The following P2RX4 variants were observed in gnomAD, a reference collection of about 807,000 sequenced individuals.
P2RX4 encodes P2X purinoceptor 4.
P2RX4 carries 37 observed loss-of-function variants against 48.0 expected under a neutral mutation model. The observed-to-expected ratio is 0.77, with a 90% CI of 0.59 to 1.01. The LOEUF is 1.01. Among genes scored for constraint, P2RX4 ranks in the 50% least tolerant of loss-of-function variants. The pLI, the probability that P2RX4 is intolerant of heterozygous loss-of-function variation, is 0.00. For synonymous variants in P2RX4, 200 were observed against 199.7 expected, an observed-to-expected ratio of 1.00 and a Z score of -0.01; for missense variants, 501 against 521.4, an observed-to-expected ratio of 0.96 and a Z score of 0.38.
chr12:121,228,384 AAATATAT>A lies in P2RX4; in HGVS notation c.525-147_525-141del, dbSNP rs1245139844. 907 of 165,676 alleles carry A rather than the reference AAATATAT, an allele frequency of 5.5e-3. 12 individuals are homozygous for A. The highest frequency in any genetic ancestry group is 0.027 in the African/African-American group (842 of 30,624). The allele number at this position is 165,676 out of a possible 1,614,324, so 10.3% of individuals were successfully genotyped here. The stretch of plus-strand genomic sequence containing the variant: ...CTCCATCTCAAAAAAAAAAAAAAAA[AAATATAT>A]ATATATATATATATACACACACACA... On this transcript the variant is annotated intron_variant, in intron 5 of 11. Coordinates refer to ENST00000337233, the MANE Select transcript of P2RX4 (RefSeq NM_002560.3).
rs1593229783 is a variant in P2RX4 at position 121,233,059 on chromosome 12, G to T, written c.1107G>T (p.Glu369Asp). ...TGAAGAAAAGACTCTACTATCGGGA[G>T]AAGAAATATAAATATGTGGAAGATT... Reference protein sequence around the residue: ...YCMKKRLYYREKKYKYVEDYE... With the variant: ...YCMKKRLYYRDKKYKYVEDYE... The change falls in exon 11 of 12, where the codon GAG becomes GAT. Residue 369 changes from glutamate to aspartate, a missense_variant. Coordinates refer to ENST00000337233, the MANE Select transcript of P2RX4 (RefSeq NM_002560.3). The T allele has an allele frequency of 6.2e-7, 1 of 1,613,342 alleles. No individual in the cohort carries two copies. The highest frequency in any genetic ancestry group is 8.5e-7 in the Non-Finnish European group (1 of 1,179,374).
intron 2 of P2RX4, among the ~76,000 whole-genome samples, chr12:121,218,167 A>T (rs1182945): frequency 0.34 from 52,244 of 151,802 alleles, 9,215 homozygotes; most frequent in South Asian, 0.4. Flanking sequence ...GTCCCCAGAG[A>T]GGAGACCGAG....
rs1378135341 is a variant in P2RX4, at chr12:121,229,277, C to T, written c.884+178C>T. 6.6e-6 allele frequency among the ~76,000 whole-genome samples: 1 copy of T among 152,192 alleles called. No homozygotes were observed. On this transcript the variant is annotated intron_variant, in intron 8 of 11. Transcript: ENST00000337233. This position sits in a 1 kb window ranked among gnomAD's most constrained non-coding sequence, Gnocchi z 4.6. ...GGAAAATGCCCTTAGTGGTGTCCTG[C>T]TCCGGGGCCATCCCGGCCCCCGAGA... is the stretch of plus-strand genomic sequence containing the variant.
chr12:121,228,401 TATATACAC>T (rs1402506863), intron 5 of P2RX4, 124 bp from the exon 6 acceptor site: 1 of 254,188 alleles, frequency 3.9e-6, no homozygotes, highest in Admixed American at 5.2e-5. Context: ...TATATATATA[TATATACAC>T]ACACACACAC....
chr12:121,217,226 C>T lies in P2RX4; in HGVS notation c.227C>T (p.Thr76Ile). 6.2e-7 allele frequency: 1 copy of T among 1,614,232 alleles called. No homozygotes were observed. The highest frequency in any genetic ancestry group is 1.3e-5 in the African/African-American group (1 of 75,072). ...TKVKGVAVTNTSKLGFRIWDV... is the reference protein window; with the variant it reads ...TKVKGVAVTNISKLGFRIWDV... ...GTCAAGGGCGTGGCTGTGACCAACACTTCTAAACTTGGATTCCGGATCTGG... is the reference window on the plus strand; with the variant it reads ...GTCAAGGGCGTGGCTGTGACCAACATTTCTAAACTTGGATTCCGGATCTGG... The change falls in exon 2 of 12, where the codon ACT (threonine) becomes ATT (isoleucine). Residue 76 changes from threonine (T) to isoleucine (I), a missense_variant. This residue lies in a region of P2RX4 where 295 missense variants were observed against 275.3 expected (regional missense o/e 1.07). Coordinates refer to ENST00000337233, the MANE Select transcript of P2RX4 (RefSeq NM_002560.3).
Position 121,228,613 on chromosome 12 carries a change from A to G in P2RX4, c.605A>G (p.Lys202Arg). The G allele has an allele frequency of 6.2e-7, 1 of 1,613,646 alleles. No individual in the cohort carries two copies. Among genetic ancestry groups the G allele is most frequent in the East Asian group, 2.2e-5 (1 of 44,868 alleles). ...NIWYPKFNFSKRNILPNITTT... is the reference protein window; with the variant it reads ...NIWYPKFNFSRRNILPNITTT... ...TGGTATCCCAAATTTAATTTCAGCAAGTAAGTGGTGGCCAGGTGTGTGAGT... is the reference window on the plus strand; with the variant it reads ...TGGTATCCCAAATTTAATTTCAGCAGGTAAGTGGTGGCCAGGTGTGTGAGT... Residue 202 changes from lysine (K) to arginine (R), a missense_variant and splice_region_variant, in exon 6 of 12, where the codon AAG becomes AGG. Around this residue, in one of 3 missense-constraint regions of P2RX4, gnomAD observed 295 missense variants for 275.3 expected, o/e 1.07. Coordinates refer to ENST00000337233, the MANE Select transcript of P2RX4 (RefSeq NM_002560.3).
At chr12:121,212,308 TG>T (rs1299842997) in intron 1 of P2RX4, among the ~76,000 whole-genome samples, 2 of 151,986 alleles carry the variant, frequency 1.3e-5, no homozygotes, top group African/African-American at 2.4e-5. Context: ...TTGGACTCAT[TG>T]GCTCACACCT....
At chr12:121,219,595 GGATGGATGGATGGATGGATGGATA>G (rs1156552681) in intron 2 of P2RX4, among the ~76,000 whole-genome samples, 11 of 105,672 alleles carry the variant, frequency 1.0e-4, no homozygotes, top group African/African-American at 3.4e-4. Context: ...ATGGATGGAT[GGATGGATGGATGGATGGATGGATA>G]GATAGATAGA....
rs570518314 is a variant in P2RX4, at chr12:121,228,263, C to G, written c.525-270C>G. Among the ~76,000 whole-genome samples the G allele has an allele frequency of 5.6e-4, 85 of 150,844 alleles. 1 individual carries two copies. The South Asian group carries it at 0.017, about 31-fold the overall frequency. ...AAAAAGTTAACCAGGCATAGTGGCT[C>G]ACACCTGTGTAATCCCAGCTACACG... On this transcript the variant is annotated intron_variant, in intron 5 of 11. Transcript: ENST00000337233.
rs111792935 is a variant in P2RX4, at chr12:121,222,570, G to A, written c.428-377G>A. The A allele has an allele frequency of 4.7e-3, 2,139 of 458,486 alleles. 36 individuals are homozygous for A. The highest frequency in any genetic ancestry group is 0.037 in the African/African-American group (1,869 of 51,034). The allele number at this position is 458,486 out of a possible 1,614,324, so 28.4% of individuals were successfully genotyped here. On this transcript the variant is annotated intron_variant, in intron 4 of 11. Transcript: ENST00000337233. ...TGGGATTACAGGCATGCACCACCAC[G>A]CCCAGCTAATTTTTGTACTTTTGGT...
chr12:121,222,930 C>T lies in P2RX4; in HGVS notation c.428-17C>T. ...CCCTGTGGACATGGGACCCCCCTGC[C>T]ACCCTTGTGCTTGTAGGAGTCTCAA... On this transcript the variant is annotated splice_polypyrimidine_tract_variant and intron_variant, in intron 4 of 11. Transcript: ENST00000337233. 6.3e-7 allele frequency: 1 copy of T among 1,585,358 alleles called. No individual in the cohort carries two copies. The highest frequency in any genetic ancestry group is 8.7e-7 in the Non-Finnish European group (1 of 1,154,274).
chr12:121,232,716 TGA>T lies in P2RX4; in HGVS notation c.1044+43_1044+44del. ...CCCTGCCTTCACCCTCACGGTGAGG[TGA>T]GACCCTGGGCTGGGGTCCTGGTCCT... On this transcript the variant is annotated intron_variant, in intron 10 of 11. Coordinates refer to ENST00000337233, the MANE Select transcript of P2RX4 (RefSeq NM_002560.3). This position sits in a 1 kb window ranked among gnomAD's most constrained non-coding sequence, Gnocchi z 4.3. 1.3e-6 allele frequency: 2 copies of T among 1,533,044 alleles called. No individual in the cohort carries two copies. The highest frequency in any genetic ancestry group is 1.8e-6 in the Non-Finnish European group (2 of 1,106,298). 95.0% of individuals were successfully genotyped at this position (1,533,044 alleles called of 1,614,324 possible).
In P2RX4 at chr12:121,232,249, G is replaced by GC; in HGVS notation, c.885-164dup. The GC allele has an allele frequency of 4.8e-6, 3 of 618,712 alleles. No individual in the cohort carries two copies. The highest frequency in any genetic ancestry group is 8.6e-6 in the Non-Finnish European group (3 of 347,264). 38.3% of individuals were successfully genotyped at this position (618,712 alleles called of 1,614,324 possible). A position where few individuals can be genotyped will look rare whatever the true frequency, so the allele number is the denominator to read the frequency against. On this transcript the variant is annotated intron_variant, in intron 8 of 11. Transcript: ENST00000337233. The surrounding 1 kb of genome is among the most constrained non-coding windows in gnomAD (Gnocchi z 4.3). ...TACCTCGTGGGCCCCGCATCCTCCT[G>GC]CTTGCACAGCCCGCCTCAGCCAGGA...
chr12:121,226,565 C>G (rs767382204), intron 5 of P2RX4, among the ~76,000 whole-genome samples: 2 of 151,968 alleles, frequency 1.3e-5, no homozygotes, highest in Non-Finnish European at 2.9e-5. Context: ...AAGACTAAAA[C>G]GTTTTGGAAC....
chr12:121,230,804 C>A (rs1039992434), intron 8 of P2RX4, among the ~76,000 whole-genome samples: 2 of 152,090 alleles, frequency 1.3e-5, no homozygotes, highest in Admixed American at 6.5e-5. Context: ...CCTGATGGAT[C>A]CCTGGAGAAC....
chr12:121,231,422 T>G (rs1350173049), intron 8 of P2RX4, among the ~76,000 whole-genome samples: 1 of 152,192 alleles, frequency 6.6e-6, no homozygotes, highest in Non-Finnish European at 1.5e-5. Context: ...TTAGAACATT[T>G]CCGTCATCTC....
Position 121,227,548 on chromosome 12 carries a change from G to A in P2RX4, c.525-985G>A, listed in dbSNP as rs1369105870. Among the ~76,000 whole-genome samples the A allele has an allele frequency of 3.3e-5, 5 of 152,324 alleles. No homozygotes were observed. The East Asian group carries it at 9.7e-4, about 29-fold the overall frequency. On this transcript the variant is annotated intron_variant, in intron 5 of 11. Coordinates refer to ENST00000337233, the MANE Select transcript of P2RX4 (RefSeq NM_002560.3). ...TTCATTCTCTCCCTGGAGAACGCCT[G>A]CGGCCCCAAAGCCAGGCCTACTGAT...
rs116213868 is a variant in P2RX4, at chr12:121,232,037, T to C, written c.885-377T>C. On this transcript the variant is annotated intron_variant, in intron 8 of 11. Coordinates refer to ENST00000337233, the MANE Select transcript of P2RX4 (RefSeq NM_002560.3). The surrounding 1 kb of genome is among the most constrained non-coding windows in gnomAD (Gnocchi z 4.3). Reference sequence around the variant, plus strand: ...AAAAAAAAAAAAGTCCCTGCACTGATGCTGTGTTGGGGCTGGCTTAGTCCC... The same window carrying C: ...AAAAAAAAAAAAGTCCCTGCACTGACGCTGTGTTGGGGCTGGCTTAGTCCC... 3.5e-3 allele frequency among the ~76,000 whole-genome samples: 516 copies of C among 149,362 alleles called. 2 individuals are homozygous for C. Among genetic ancestry groups the C allele is most frequent in the African/African-American group, 0.012 (486 of 40,502 alleles).
At chr12:121,210,333 G>A in intron 1 of P2RX4, 35 bp downstream of exon 1, 2 of 1,475,238 alleles carry the variant, frequency 1.4e-6, no homozygotes, top group Non-Finnish European at 1.8e-6. Context: ...CGCGGCGGGT[G>A]CTGCCCTCGC....
Sources: allele counts gnomAD v4.1 joint callset (sites outside exome capture counted in the v4.1 genomes callset), GRCh38; gene constraint gnomAD v4.1.1; regional missense constraint gnomAD v4.1.1; non-coding constraint Gnocchi (gnomAD v3.1); transcripts MANE v1.5; gene names NCBI Gene and HGNC (gene_info 2026-07-23, HGNC 2026-07-21).